The following LAMA2 variants were observed in gnomAD, a reference collection of about 807,000 sequenced individuals.
LAMA2 encodes laminin subunit alpha-2.
LAMA2 carries 269 observed loss-of-function variants against 364.8 expected under a neutral mutation model. That is an observed-to-expected ratio of 0.74 (90% CI 0.67 to 0.82). The LOEUF is 0.82. Among genes scored for constraint, LAMA2 ranks in the 40% least tolerant of loss-of-function variants. LAMA2 has a pLI of 0.00. For synonymous variants in LAMA2, 1,379 were observed against 1,370.6 expected (o/e 1.01, Z -0.14); for missense variants, 3,807 against 3,873.2 (o/e 0.98, Z 0.45).
chr6:128,931,032 T>C (rs1349708579), intron 1 of LAMA2, among the ~76,000 whole-genome samples: 2 of 151,576 alleles, frequency 1.3e-5, no homozygotes, highest in Non-Finnish European at 2.9e-5. Flanking sequence ...TCTGGATCTC[T>C]GCAAAAAAAA....
chr6:128,929,182 A>G (rs766686619), intron 1 of LAMA2: 32 of 1,477,812 alleles, frequency 2.2e-5, no homozygotes, highest in East Asian at 2.0e-4. Context: ...GAATGGGGAT[A>G]GTTACAGAGG....
chr6:129,023,878 G>A (rs1785618535), intron 1 of LAMA2, among the ~76,000 whole-genome samples: 1 of 151,906 alleles, frequency 6.6e-6, no homozygotes, highest in South Asian at 2.1e-4. Context: ...AGCTCATTAG[G>A]TACCAATTTT....
chr6:129,222,575 G>A (rs1299547239), intron 12 of LAMA2, among the ~76,000 whole-genome samples: 1 of 141,844 alleles, frequency 7.1e-6, no homozygotes, highest in Admixed American at 7.9e-5. Context: ...TCCCACCTAT[G>A]AGTGAGAATA....
intron 9 of LAMA2, among the ~76,000 whole-genome samples, chr6:129,166,124 TA>T (rs1779729468): frequency 6.6e-6 from 1 of 152,116 alleles, no homozygotes; most frequent in Non-Finnish European, 1.5e-5. Flanking sequence ...GGCAATAATA[TA>T]GAAAGCAAGA....
At chr6:129,226,361 T>G (rs1332082022) in intron 12 of LAMA2, among the ~76,000 whole-genome samples, 2 of 152,208 alleles carry the variant, frequency 1.3e-5, no homozygotes, top group Non-Finnish European at 2.9e-5. Flanking sequence ...TGTGTGAATA[T>G]GATCCTGTCA....
chr6:129,516,463 T>TC lies in LAMA2; in HGVS notation c.*117dup. The TC allele has an allele frequency of 9.4e-7, 1 of 1,067,750 alleles. No homozygotes were observed. Among genetic ancestry groups the TC allele is most frequent in the Non-Finnish European group, 1.4e-6 (1 of 710,798 alleles). The allele number at this position is 1,067,750 out of a possible 1,614,324, so 66.1% of individuals were successfully genotyped here. A position where few individuals can be genotyped will look rare whatever the true frequency, so the allele number is the denominator to read the frequency against. ...ACTAATTTGTGCATGTACATAGAAT[T>TC]CTTTCTGTATTCAGATGGTGCTAAT... On this transcript the variant is annotated 3_prime_UTR_variant, in exon 65 of 65. Coordinates refer to ENST00000421865, the MANE Select transcript of LAMA2 (RefSeq NM_000426.4).
rs1777421357 is a variant in LAMA2, at chr6:129,130,726, A to G, written c.640-13175A>G. On this transcript the variant is annotated intron_variant, in intron 4 of 64. Coordinates refer to ENST00000421865, the MANE Select transcript of LAMA2 (RefSeq NM_000426.4). ...CAAGTTCACAGTTGTTAGAACTACAAGAGCACAACATTACATAATCATGAC... is the reference window on the plus strand; with the variant it reads ...CAAGTTCACAGTTGTTAGAACTACAGGAGCACAACATTACATAATCATGAC... Among the ~76,000 whole-genome samples, 7 of 152,332 alleles carry G rather than the reference A, an allele frequency of 4.6e-5. No homozygotes were observed. The South Asian group carries it at 1.4e-3, about 32-fold the overall frequency.
At chr6:129,076,474 A>G (rs1243349415) in intron 3 of LAMA2, among the ~76,000 whole-genome samples, 4 of 73,592 alleles carry the variant, frequency 5.4e-5, no homozygotes, top group African/African-American at 1.7e-4. Flanking sequence ...TAATACATAT[A>G]TAATATATCT....
intron 1 of LAMA2, among the ~76,000 whole-genome samples, chr6:128,960,442 G>A (rs1380387355): frequency 4.7e-5 from 7 of 150,220 alleles, no homozygotes; most frequent in Non-Finnish European, 7.4e-5. Context: ...AGGTTCCAGC[G>A]ATTCTCCGGC....
Position 129,478,769 on chromosome 6 carries a change from A to G in LAMA2, c.7528A>G (p.Ser2510Gly). The G allele has an allele frequency of 6.2e-7, 1 of 1,612,728 alleles. No individual in the cohort carries two copies. Among genetic ancestry groups the G allele is most frequent in the Non-Finnish European group, 8.5e-7 (1 of 1,178,752 alleles). Residue 2510 changes from serine (S) to glycine (G), a missense_variant, in exon 54 of 65, where the codon AGT becomes GGT. Transcript: ENST00000421865. ...TTCAAGAACTCCGTACAATATACTCAGTAGTCCCGATTATGTTGGTGTTAC... is the reference window on the plus strand; with the variant it reads ...TTCAAGAACTCCGTACAATATACTCGGTAGTCCCGATTATGTTGGTGTTAC... ...EISRTPYNIL[S>G]SPDYVGVTKG... is the part of the protein sequence containing the mutation.
intron 4 of LAMA2, among the ~76,000 whole-genome samples, chr6:129,129,943 AT>A (rs770248219): frequency 3.3e-4 from 50 of 149,724 alleles, no homozygotes; most frequent in South Asian, 1.3e-3. Context: ...AAAAAAAAAA[AT>A]AACATATTTT....
chr6:129,304,000 G>A (rs1202730536), intron 22 of LAMA2, among the ~76,000 whole-genome samples: 1 of 152,022 alleles, frequency 6.6e-6, no homozygotes, highest in African/African-American at 2.4e-5. Flanking sequence ...TACTTTAGAG[G>A]AACCCAAAAG....
rs138569045 is a variant in LAMA2 at position 129,333,559 on chromosome 6, A to G, written c.4311+5147A>G. Among the ~76,000 whole-genome samples, 705 of 152,348 alleles carry G rather than the reference A, an allele frequency of 4.6e-3. 6 individuals are homozygous for G. Among genetic ancestry groups the G allele is most frequent in the African/African-American group, 0.016 (658 of 41,588 alleles). ...GGTTTTTCACCTTAAACAGAACCAT[A>G]AATGATATTATTGACTAAATAAATA... On this transcript the variant is annotated intron_variant, in intron 29 of 64. Coordinates refer to ENST00000421865, the MANE Select transcript of LAMA2 (RefSeq NM_000426.4).
At chr6:129,259,487 T>G (rs189268040) in intron 14 of LAMA2, among the ~76,000 whole-genome samples, 46 of 152,238 alleles carry the variant, frequency 3.0e-4, no homozygotes, top group African/African-American at 1.0e-3. Context: ...ACTGTGATTA[T>G]TATGAGTCAA....
At chr6:129,218,082 A>G (rs1252734061) in intron 12 of LAMA2, among the ~76,000 whole-genome samples, 5 of 152,202 alleles carry the variant, frequency 3.3e-5, no homozygotes, top group Non-Finnish European at 5.9e-5. Context: ...CTTAAATCAG[A>G]TGACATTAAG....
At position 129,353,308 on chromosome 6, in the gene LAMA2, G is replaced by A. The variant is rs761415396; in HGVS notation, c.4668G>A (p.Lys1556=). 5 of 1,614,166 alleles carry A rather than the reference G, an allele frequency of 3.1e-6. No homozygotes were observed. The South Asian group carries it at 4.4e-5, about 14-fold the overall frequency. The change falls in exon 32 of 65, where the codon AAG becomes AAA. Residue 1556 remains lysine (K), a synonymous_variant. Transcript: ENST00000421865. ...GCCGACCTGGAGCCACGGGAAGGAA[G>A]TGTGACGGCTGCAAGCACTGGCATG... ...CTCRPGATGR[K]CDGCKHWHAR...
intron 3 of LAMA2, among the ~76,000 whole-genome samples, chr6:129,083,318 T>G (rs191152602): frequency 5.7e-4 from 87 of 152,308 alleles, no homozygotes; most frequent in African/African-American, 2.0e-3. Flanking sequence ...AACTGTGGAC[T>G]CCCTGAAATG....
chr6:128,946,103 A>G (rs1780465353), intron 1 of LAMA2, among the ~76,000 whole-genome samples: 1 of 152,112 alleles, frequency 6.6e-6, no homozygotes, highest in Non-Finnish European at 1.5e-5. Context: ...CAGCTGAGCT[A>G]ACATGGAGAC....
chr6:128,885,399 T>G (rs1345868383), intron 1 of LAMA2, among the ~76,000 whole-genome samples: 2 of 152,254 alleles, frequency 1.3e-5, no homozygotes, highest in Non-Finnish European at 2.9e-5. Context: ...AGTTGTAATT[T>G]AAGTTTACAT....
Sources: gnomAD v4.1 joint callset for allele counts (sites outside exome capture counted in the v4.1 genomes callset) on GRCh38, gnomAD v4.1.1 for gene constraint, MANE v1.5 for transcripts, NCBI Gene and HGNC (gene_info 2026-07-23, HGNC 2026-07-21) for gene names.